The following PIP4P1 variants were observed in gnomAD, a reference collection of about 807,000 sequenced individuals.
PIP4P1 encodes the protein phosphatidylinositol-4,5-bisphosphate 4-phosphatase 1.
PIP4P1 carries 14 observed loss-of-function variants against 32.3 expected under a neutral mutation model. That is an observed-to-expected ratio of 0.43 (90% CI 0.29 to 0.68). PIP4P1 has a LOEUF of 0.68. Ranked by LOEUF, PIP4P1 falls within the 30% of genes least tolerant of loss-of-function variation. The pLI is 0.15. For synonymous variants in PIP4P1, 132 were observed against 137.9 expected (o/e 0.96, Z 0.30); for missense variants, 289 against 364.5 (o/e 0.79, Z 1.69).
chr14:20,458,221 G>C lies in PIP4P1; in HGVS notation c.*338C>G. On this transcript the variant is annotated 3_prime_UTR_variant, in exon 7 of 7. Transcript: ENST00000250489. ...CCCCAGGGCTACCCACCCCCACCCT[G>C]CCCTGGAATGTGTAAGGGACAGGAA... The C allele has an allele frequency of 4.3e-6, 2 of 468,274 alleles. No individual in the cohort carries two copies. The highest frequency in any genetic ancestry group is 4.2e-6 in the Non-Finnish European group (1 of 236,252). The allele number at this position is 468,274 out of a possible 1,614,324, so 29.0% of individuals were successfully genotyped here.
At chr14:20,460,412 TAAAAG>T in intron 2 of PIP4P1, 114 bp from the exon 3 acceptor site, 4 of 843,228 alleles carry the variant, frequency 4.7e-6, no homozygotes, top group South Asian at 3.5e-5. Flanking sequence ...GAAGGAGAAA[TAAAAG>T]AAAGACTATA....
At chr14:20,461,032 A>T in intron 1 of PIP4P1, 152 bp downstream of exon 1, 1 of 1,264,594 alleles carries the variant, frequency 7.9e-7, no homozygotes, top group South Asian at 2.3e-5. Context: ...TACGGAGGGA[A>T]GGAAGCCTCG....
intron 2 of PIP4P1, 86 bp from the exon 3 acceptor site, chr14:20,460,384 A>G: frequency 9.9e-7 from 1 of 1,009,850 alleles, no homozygotes; most frequent in Middle Eastern, 2.1e-4. Context: ...GAGATCAGAA[A>G]AATAAGGTGC....
At chr14:20,459,529 G>A (rs940368117) in intron 4 of PIP4P1, 89 bp from the exon 5 acceptor site, 2 of 1,580,292 alleles carry the variant, frequency 1.3e-6, no homozygotes, top group African/African-American at 2.7e-5. Context: ...TGTTCCCATA[G>A]GACAGACCTT....
chr14:20,459,507 G>A, intron 4 of PIP4P1, 67 bp from the exon 5 acceptor site: 1 of 1,600,108 alleles, frequency 6.2e-7, no homozygotes. Context: ...CTTGGGGTGG[G>A]GATGCAGAAC....
rs1881709699 is a variant in PIP4P1 at position 20,461,391 on chromosome 14, G to GCCACCGCCA, written c.-75_-67dup. 1 of 1,228,160 alleles carries GCCACCGCCA rather than the reference G, an allele frequency of 8.1e-7. No individual in the cohort carries two copies. The highest frequency in any genetic ancestry group is 1.0e-6 in the Non-Finnish European group (1 of 983,780). 76.1% of individuals were successfully genotyped at this position (1,228,160 alleles called of 1,614,324 possible). ...TCCCTTCGCCTCTGCCGTCGCCGCA[G>GCCACCGCCA]CCACCGCCACCGCCGCCACCGCCAC... On this transcript the variant is annotated 5_prime_UTR_variant, in exon 1 of 7. Transcript: ENST00000250489.
intron 6 of PIP4P1, 159 bp from the exon 7 acceptor site, chr14:20,458,861 C>T: frequency 2.3e-6 from 2 of 865,280 alleles, no homozygotes; most frequent in South Asian, 1.8e-5. Flanking sequence ...CAGAGCTGAT[C>T]AGCTTCCTTC....
At chr14:20,460,444 T>C (rs1318372314) in intron 2 of PIP4P1, 146 bp from the exon 3 acceptor site, 4 of 744,174 alleles carry the variant, frequency 5.4e-6, no homozygotes, top group African/African-American at 5.3e-5. Flanking sequence ...GATTTGCAAA[T>C]AGGAACTAGG....
rs763954443 is a variant in PIP4P1 at position 20,458,713 on chromosome 14, TAAG to T, written c.691-14_691-12del. 68 of 1,607,560 alleles carry T rather than the reference TAAG, an allele frequency of 4.2e-5. No individual in the cohort carries two copies. The highest frequency in any genetic ancestry group is 3.6e-4 in the East Asian group (16 of 44,862). ...CTTCCATGTGCCAAACTGATGAAGA[TAAG>T]GAGGGAGAAGAAAAGAAAGATGGGG... On this transcript the variant is annotated splice_polypyrimidine_tract_variant and intron_variant, in intron 6 of 6. Transcript: ENST00000250489.
Position 20,458,002 on chromosome 14 carries a change from T to G in PIP4P1, c.*557A>C. 1 of 313,600 alleles carries G rather than the reference T, an allele frequency of 3.2e-6. No individual in the cohort carries two copies. The highest frequency in any genetic ancestry group is 2.9e-5 in the South Asian group (1 of 34,770). 19.4% of individuals were successfully genotyped at this position (313,600 alleles called of 1,614,324 possible). ...GGAGGAATTAAGGGAAATACAGGAA[T>G]AGGGGAACATATCCCACATTAAATA... On this transcript the variant is annotated 3_prime_UTR_variant, in exon 7 of 7. Transcript: ENST00000250489.
intron 2 of PIP4P1, 70 bp downstream of exon 2, chr14:20,460,585 G>A (rs768627568): frequency 6.5e-7 from 1 of 1,530,154 alleles, no homozygotes; most frequent in Non-Finnish European, 8.9e-7. Flanking sequence ...GGAAGGTCAG[G>A]GTCTAGAACC....
chr14:20,459,048 T>C lies in PIP4P1; in HGVS notation c.690+158A>G, dbSNP rs79283185. On this transcript the variant is annotated intron_variant, in intron 6 of 6. Coordinates refer to ENST00000250489, the MANE Select transcript of PIP4P1 (RefSeq NM_144568.4). ...CTCTTGTAGTAGTAATAAAGTCTGT[T>C]TGATCAGCCACTTTGCACTTTAGCT... The C allele has an allele frequency of 2.4e-3, 1,766 of 733,276 alleles. 17 individuals carry two copies. The African/African-American group carries it at 0.028, about 12-fold the overall frequency. 45.4% of individuals were successfully genotyped at this position (733,276 alleles called of 1,614,324 possible). A position where few individuals can be genotyped will look rare whatever the true frequency, so the allele number is the denominator to read the frequency against.
At chr14:20,458,826 C>A in intron 6 of PIP4P1, 124 bp from the exon 7 acceptor site, 1 of 1,268,614 alleles carries the variant, frequency 7.9e-7, no homozygotes, top group East Asian at 2.4e-5. Flanking sequence ...CCACATGTAG[C>A]CACCCTCAGG....
intron 3 of PIP4P1, 175 bp downstream of exon 3, chr14:20,460,017 A>G (rs571834925): frequency 9.2e-6 from 6 of 649,288 alleles, no homozygotes; most frequent in Admixed American, 7.7e-5. Flanking sequence ...TTTCATCTCA[A>G]TATTTTTATT....
chr14:20,458,907 T>A, intron 6 of PIP4P1: 1 of 665,756 alleles, frequency 1.5e-6, no homozygotes, highest in East Asian at 2.8e-5. Context: ...TCCCACACTG[T>A]ATCTCAGTTT....
At chr14:20,459,803 C>T (rs1396993469) in intron 3 of PIP4P1, 70 bp from the exon 4 acceptor site, 24 of 1,247,444 alleles carry the variant, frequency 1.9e-5, no homozygotes, top group African/African-American at 3.0e-5. Context: ...AAAATCTTCA[C>T]AGTCCCTGTT....
At chr14:20,460,434 G>C in intron 2 of PIP4P1, 136 bp from the exon 3 acceptor site, 1 of 778,860 alleles carries the variant, frequency 1.3e-6, no homozygotes, top group Non-Finnish European at 2.1e-6. Flanking sequence ...TATATCATGA[G>C]ATTTGCAAAT....
At position 20,458,583 on chromosome 14, in the gene PIP4P1, G is replaced by A. The variant is rs1881560760; in HGVS notation, c.810C>T (p.Ser270=). 1 of 1,614,054 alleles carries A rather than the reference G, an allele frequency of 6.2e-7. No homozygotes were observed. Among genetic ancestry groups the A allele is most frequent in the Non-Finnish European group, 8.5e-7 (1 of 1,179,952 alleles). ...CTCAGGAGAAGTTCTGGACAGGGTGGCTGACCTTCATACAGGCCCAATAAA... is the reference window on the plus strand; with the variant it reads ...CTCAGGAGAAGTTCTGGACAGGGTGACTGACCTTCATACAGGCCCAATAAA... ...RALYWACMKV[S]HPVQNFS is the part of the protein sequence containing the mutation. The change falls in exon 7 of 7, where the codon AGC becomes AGT. Residue 270 remains serine, a synonymous_variant. Coordinates refer to ENST00000250489, the MANE Select transcript of PIP4P1 (RefSeq NM_144568.4).
At chr14:20,459,601 CT>C in intron 4 of PIP4P1, 26 bp downstream of exon 4, 1 of 1,599,928 alleles carries the variant, frequency 6.3e-7, no homozygotes, top group Non-Finnish European at 8.6e-7. Flanking sequence ...CTCCTTTCCC[CT>C]CCCCTTCCCA....
Sources: allele counts gnomAD v4.1 joint callset, GRCh38; gene constraint gnomAD v4.1.1; transcripts MANE v1.5; gene names NCBI Gene and HGNC (gene_info 2026-07-23, HGNC 2026-07-21).